Variants in GREB1 observed in about 807,000 individuals in gnomAD.
GREB1 encodes the protein growth regulating estrogen receptor binding 1, also known as protein GREB1.
A neutral mutation model predicts 200.7 loss-of-function variants in GREB1; 106 were observed. The ratio of observed to expected loss-of-function variants is 0.53; its 90% confidence interval spans 0.45 to 0.62. The LOEUF is 0.62. Ranked by LOEUF, GREB1 falls within the 20% of genes least tolerant of loss-of-function variation. The probability of loss-of-function intolerance (pLI) is 0.00; values close to 1 mark genes in which losing one functional copy is unlikely to be tolerated. For missense variants in GREB1, 2,243 were observed against 2,556.8 expected, an observed-to-expected ratio of 0.88 and a Z score of 2.65; for synonymous variants, 1,132 against 1,092.4, an observed-to-expected ratio of 1.04 and a Z score of -0.72.
At position 11,632,963 on chromosome 2, in the gene GREB1, G is replaced by A. The variant is rs1274830263; in HGVS notation, c.4891G>A (p.Gly1631Arg). 9 of 1,614,056 alleles carry A rather than the reference G, an allele frequency of 5.6e-6. No homozygotes were observed. The highest frequency in any genetic ancestry group is 5.9e-6 in the Non-Finnish European group (7 of 1,180,030). ...CGAGCGGAACCGGCAGGAGGAGCTGGGAATCAAGCCGCAGGACATCTGGCC... is the reference window on the plus strand; with the variant it reads ...CGAGCGGAACCGGCAGGAGGAGCTGAGAATCAAGCCGCAGGACATCTGGCC... ...ELERNRQEELGIKPQDIWPFI... is the reference protein window; with the variant it reads ...ELERNRQEELRIKPQDIWPFI... Residue 1631 changes from glycine (G) to arginine (R), a missense_variant, in exon 28 of 33, where the codon GGA becomes AGA. Around this residue, in one of 3 missense-constraint regions of GREB1, gnomAD observed 478 missense variants for 616.3 expected, o/e 0.78. Transcript: ENST00000381486.
At chr2:11,539,795 ATTTTTTTTTTT>A (rs66629142) in intron 1 of GREB1, 1 of 121,264 alleles carries the variant, frequency 8.2e-6, no homozygotes, top group African/African-American at 3.0e-5. Flanking sequence ...CTACTGCTGA[ATTTTTTTTTTT>A]TTTTTTTTTT....
chr2:11,489,413 C>T (rs1434280518), intron 1 of GREB1, among the ~76,000 whole-genome samples: 7 of 152,122 alleles, frequency 4.6e-5, no homozygotes, highest in East Asian at 1.9e-4. Context: ...GAGCCAAGAT[C>T]GCACCACTGC....
At chr2:11,579,602 G>C (rs997642195) in intron 6 of GREB1, among the ~76,000 whole-genome samples, 1 of 152,158 alleles carries the variant, frequency 6.6e-6, no homozygotes, top group Non-Finnish European at 1.5e-5. Context: ...GCATAGGGAG[G>C]TTAAGTAAGT....
chr2:11,575,878 C>T lies in GREB1; in HGVS notation c.455-475C>T, dbSNP rs183888834. 1.9e-3 allele frequency among the ~76,000 whole-genome samples: 284 copies of T among 152,352 alleles called. 1 individual carries two copies. Among genetic ancestry groups the T allele is most frequent in the Middle Eastern group, 0.014 (4 of 294 alleles). On this transcript the variant is annotated intron_variant, in intron 4 of 32. Coordinates refer to ENST00000381486, the MANE Select transcript of GREB1 (RefSeq NM_014668.4). ...TGGCTCTTGTCTTGCAAAGTTTGCT[C>T]TCTACATAGGTGTTTAAGTGGGCCC...
In GREB1 at chr2:11,587,694, A is replaced by AACACACAC. The variant is rs377181735; in HGVS notation, c.1160-1011_1160-1004dup. 90 of 707,144 alleles carry AACACACAC rather than the reference A, an allele frequency of 1.3e-4. 1 individual carries two copies. The highest frequency in any genetic ancestry group is 7.4e-4 in the Admixed American group (10 of 13,522). The allele number at this position is 707,144 out of a possible 1,614,324, so 43.8% of individuals were successfully genotyped here. On this transcript the variant is annotated intron_variant, in intron 9 of 32. Transcript: ENST00000381486. ...AAATGGAGTACCTGGAGTACAAGATAACACACACACACACACACACACACA... is the reference window on the plus strand; with the variant it reads ...AAATGGAGTACCTGGAGTACAAGATAACACACACACACACACACACACACACACACACA...
chr2:11,571,709 T>C (rs1046620178), intron 4 of GREB1, among the ~76,000 whole-genome samples: 2 of 151,974 alleles, frequency 1.3e-5, no homozygotes, highest in Non-Finnish European at 2.9e-5. Context: ...TAATGAACCA[T>C]GCATTTTTTT....
At position 11,504,104 on chromosome 2, in the gene GREB1, G is replaced by C. The variant is rs369152721; in HGVS notation, c.-159+21723G>C. ...CTCTCCTTCTGTCTCTTACTGTACTGTACTCACCCTTCTTCTTGTGATCTG... is the reference window on the plus strand; with the variant it reads ...CTCTCCTTCTGTCTCTTACTGTACTCTACTCACCCTTCTTCTTGTGATCTG... On this transcript the variant is annotated intron_variant, in intron 1 of 2. Transcript: ENST00000628795. Among the ~76,000 whole-genome samples the C allele has an allele frequency of 2.1e-4, 32 of 152,216 alleles. No homozygotes were observed. The East Asian group carries it at 4.4e-3, about 21-fold the overall frequency.
At position 11,634,366 on chromosome 2, in the gene GREB1, G is replaced by A. The variant is rs1685135293; in HGVS notation, c.5210+17G>A. 1 of 1,600,526 alleles carries A rather than the reference G, an allele frequency of 6.2e-7. No individual in the cohort carries two copies. Among genetic ancestry groups the A allele is most frequent in the Middle Eastern group, 1.7e-4 (1 of 5,862 alleles). Reference sequence around the variant, plus strand: ...CCAGAACCGGTGAGCTCCTGCACCTGGGGCAGAGGCGGCGGCAGCCCTGGG... The same window carrying A: ...CCAGAACCGGTGAGCTCCTGCACCTAGGGCAGAGGCGGCGGCAGCCCTGGG... On this transcript the variant is annotated intron_variant, in intron 29 of 32. Transcript: ENST00000381486.
At chr2:11,565,053 T>A (rs1187052299) in intron 3 of GREB1, among the ~76,000 whole-genome samples, 1 of 152,212 alleles carries the variant, frequency 6.6e-6, no homozygotes, top group African/African-American at 2.4e-5. Context: ...TATGTGGGAA[T>A]TGTGGGAATT....
chr2:11,564,397 C>T (rs1677407659), intron 3 of GREB1, among the ~76,000 whole-genome samples: 1 of 152,140 alleles, frequency 6.6e-6, no homozygotes, highest in African/African-American at 2.4e-5. Context: ...GTGAACTCTT[C>T]AGCCAGGCAT....
At chr2:11,603,661 G>A (rs1259794472) in intron 17 of GREB1, among the ~76,000 whole-genome samples, 1 of 152,186 alleles carries the variant, frequency 6.6e-6, no homozygotes, top group African/African-American at 2.4e-5. Flanking sequence ...AAATTAATCA[G>A]GTCAGTTCTC....
chr2:11,618,680 G>T lies in GREB1; in HGVS notation c.3805G>T (p.Val1269Phe). The change falls in exon 22 of 33, where the codon GTT (valine) becomes TTT (phenylalanine). Residue 1269 changes from valine (V) to phenylalanine (F), a missense_variant. Physicochemically the swap from Val to Phe is conservative, Grantham distance 50. Coordinates refer to ENST00000381486, the MANE Select transcript of GREB1 (RefSeq NM_014668.4). The part of the protein sequence containing the change: ...VFLPKLVYDM[V>F]VSTDSSGLPK... ...CTTGCCCAAGCTCGTGTACGACATG[G>T]TTGTGTCCACTGACAGCAGTGGCCT... 6.2e-7 allele frequency: 1 copy of T among 1,613,796 alleles called. No individual in the cohort carries two copies. Among genetic ancestry groups the T allele is most frequent in the Admixed American group, 1.7e-5 (1 of 60,024 alleles).
At chr2:11,589,398 G>A (rs1680502925) in intron 10 of GREB1, among the ~76,000 whole-genome samples, 1 of 152,192 alleles carries the variant, frequency 6.6e-6, no homozygotes, top group South Asian at 2.1e-4. Context: ...AATGAGGACA[G>A]GTGGGGCCCT....
Position 11,588,044 on chromosome 2 carries a change from G to A in GREB1, c.1160-702G>A, listed in dbSNP as rs1006726146. On this transcript the variant is annotated intron_variant, in intron 9 of 32. Transcript: ENST00000381486. ...AGTTCAAGATCAGCCTGGGCAACAT[G>A]GTGAAACCTTGTCTCTACTAAAAAT... The A allele has an allele frequency of 2.2e-5, 15 of 682,604 alleles. No individual in the cohort carries two copies. In the African/African-American group the frequency reaches 2.7e-4, roughly 12 times the overall value. The allele number at this position is 682,604 out of a possible 1,614,324, so 42.3% of individuals were successfully genotyped here.
intron 1 of GREB1, among the ~76,000 whole-genome samples, chr2:11,504,988 G>A (rs1049063791): frequency 2.6e-5 from 4 of 152,122 alleles, no homozygotes; most frequent in African/African-American, 7.2e-5. Flanking sequence ...CTGGAGTGCA[G>A]TGACGCCATC....
intron 4 of GREB1, among the ~76,000 whole-genome samples, chr2:11,575,164 G>C (rs1220212615): frequency 6.6e-6 from 1 of 152,208 alleles, no homozygotes; most frequent in Non-Finnish European, 1.5e-5. Flanking sequence ...CACGGCCTAA[G>C]GCACGATGAC....
chr2:11,615,198 C>T lies in GREB1; in HGVS notation c.3230C>T (p.Pro1077Leu), dbSNP rs201714486. 1 of 1,614,076 alleles carries T rather than the reference C, an allele frequency of 6.2e-7. No homozygotes were observed. Among genetic ancestry groups the T allele is most frequent in the African/African-American group, 1.3e-5 (1 of 75,022 alleles). Reference sequence around the variant, plus strand: ...GCCTACTTTGTGAGCAACGAGGTTCCCTTGGAGAAGGGGGCTAGGAACGAG... The same window carrying T: ...GCCTACTTTGTGAGCAACGAGGTTCTCTTGGAGAAGGGGGCTAGGAACGAG... ...LAAYFVSNEV[P>L]LEKGARNEAL... Residue 1077 changes from proline to leucine, a missense_variant, in exon 20 of 33, where the codon CCC becomes CTC. Physicochemically the swap from Pro to Leu is moderately conservative, Grantham distance 98 (BLOSUM62 -3). Coordinates refer to ENST00000381486, the MANE Select transcript of GREB1 (RefSeq NM_014668.4).
At chr2:11,530,670 T>C (rs13015786), upstream of GREB1, among the ~76,000 whole-genome samples, 1 of 147,910 alleles carries the variant, frequency 6.8e-6, no homozygotes, top group South Asian at 2.2e-4. Flanking sequence ...TGTGAGTTAA[T>C]GGGGGGCAGG....
rs1293863447 is a variant in GREB1 at position 11,580,089 on chromosome 2, T to C, written c.773-615T>C. ...GAGCATGTGCAGGGGAACTGCCCTT[T>C]ATAAAACCATCAGGTCTCGTGAGAC... On this transcript the variant is annotated intron_variant, in intron 6 of 32. Transcript: ENST00000381486. The surrounding 1 kb of genome is among the most constrained non-coding windows in gnomAD (Gnocchi z 4.5). Among the ~76,000 whole-genome samples the C allele has an allele frequency of 6.6e-5, 10 of 152,128 alleles. No individual in the cohort carries two copies. Among genetic ancestry groups the C allele is most frequent in the Non-Finnish European group, 1.2e-4 (8 of 68,028 alleles).
Sources: gnomAD v4.1 joint callset for allele counts (sites outside exome capture counted in the v4.1 genomes callset) on GRCh38, gnomAD v4.1.1 for gene constraint, gnomAD v4.1.1 regional missense constraint, Gnocchi (gnomAD v3.1) non-coding constraint, MANE v1.5 for transcripts, NCBI Gene and HGNC (gene_info 2026-07-23, HGNC 2026-07-21) for gene names.